PTER: variants seen among roughly 807,000 people sequenced by gnomAD.
PTER encodes N-acetyltaurine hydrolase.
A neutral mutation model predicts 29.6 loss-of-function variants in PTER; 38 were observed. The ratio of observed to expected loss-of-function variants is 1.28; its 90% CI spans 0.99 to 1.68. The LOEUF is 1.68. Among genes scored for constraint, PTER ranks in the 40% most tolerant of loss-of-function variants. The pLI is 0.00. For synonymous variants in PTER, 172 were observed against 154.5 expected (o/e 1.11, Z -0.84); for missense variants, 482 against 427.8 (o/e 1.13, Z -1.12).
At position 16,484,786 on chromosome 10, in the gene PTER, C is replaced by A. The variant is rs1226621041; in HGVS notation, c.402C>A (p.Ser134=). Residue 134 remains serine (S), a synonymous_variant, in exon 2 of 5, where the codon TCC becomes TCA. Transcript: ENST00000535784. The stretch of plus-strand genomic sequence containing the variant: ...GGTTTTATGTGGATGCAACTCACTC[C>A]TCAGAGACCAGGGCCATGTCAGTGG... ...GAGFYVDATH[S]SETRAMSVEQ... is the part of the protein sequence containing the mutation. The A allele has an allele frequency of 1.9e-6, 3 of 1,611,456 alleles. No individual in the cohort carries two copies. The highest frequency in any genetic ancestry group is 2.5e-6 in the Non-Finnish European group (3 of 1,179,184).
chr10:16,511,311 C>T lies in PTER; in HGVS notation c.*55C>T, dbSNP rs968227754. 74 of 1,449,592 alleles carry T rather than the reference C, an allele frequency of 5.1e-5. No homozygotes were observed. The highest frequency in any genetic ancestry group is 3.0e-4 in the South Asian group (26 of 87,414). The allele number at this position is 1,449,592 out of a possible 1,614,324, so 89.8% of individuals were successfully genotyped here. A position where few individuals can be genotyped will look rare whatever the true frequency, so the allele number is the denominator to read the frequency against. On this transcript the variant is annotated 3_prime_UTR_variant, in exon 5 of 5. Transcript: ENST00000535784. ...TATAAAACTTGCAGAGAACATTCAG[C>T]GATTTCCAGTCCACTGTGAGATATT...
intron 4 of PTER, among the ~76,000 whole-genome samples, chr10:16,505,607 A>G (rs1364016966): frequency 6.6e-6 from 1 of 152,264 alleles, no homozygotes; most frequent in African/African-American, 2.4e-5. Flanking sequence ...TGCTAAAAGT[A>G]TAAGGTCTAA....
intron 4 of PTER, among the ~76,000 whole-genome samples, chr10:16,509,857 G>C (rs1391779021): frequency 6.6e-6 from 1 of 152,084 alleles, no homozygotes; most frequent in African/African-American, 2.4e-5. Flanking sequence ...CAGATACAAA[G>C]TCTATTCTTC....
At position 16,486,472 on chromosome 10, in the gene PTER, C is replaced by T; in HGVS notation, c.553C>T (p.Gln185Ter). ...PLTESERKVL[Q>*]ATAHAQAQLG... Reference sequence around the variant, plus strand: ...GACTGAGAGTGAAAGAAAGGTTCTCCAGGCCACAGCTCATGCCCAGGCTCA... The same window carrying T: ...GACTGAGAGTGAAAGAAAGGTTCTCTAGGCCACAGCTCATGCCCAGGCTCA... The change falls in exon 3 of 5, where the codon CAG becomes TAG. Residue 185 changes from glutamine (Q) to a stop codon, truncating the protein, a stop_gained. Transcript: ENST00000535784. LOFTEE classifies it high-confidence loss of function. 1.2e-6 allele frequency: 2 copies of T among 1,614,016 alleles called. No homozygotes were observed. The highest frequency in any genetic ancestry group is 1.1e-5 in the South Asian group (1 of 91,082).
chr10:16,500,557 T>C (rs971739882), intron 3 of PTER, among the ~76,000 whole-genome samples: 3 of 152,048 alleles, frequency 2.0e-5, no homozygotes, highest in African/African-American at 7.3e-5. Flanking sequence ...CGGCCAGGGG[T>C]TACTTTTGAA....
At chr10:16,517,341 C>G (rs747680501), downstream of PTER, among the ~76,000 whole-genome samples, 33 of 152,208 alleles carry the variant, frequency 2.2e-4, 1 homozygote, top group Non-Finnish European at 4.4e-4. Context: ...CCACAAACCA[C>G]TCATCCTTTT....
chr10:16,465,318 C>T (rs1048874341), intron 1 of PTER, among the ~76,000 whole-genome samples: 60 of 152,168 alleles, frequency 3.9e-4, no homozygotes, highest in Non-Finnish European at 2.2e-4. Flanking sequence ...TTTTCATCTT[C>T]GTTTCCCTGC....
intron 1 of PTER, among the ~76,000 whole-genome samples, chr10:16,474,069 T>C (rs1835163621): frequency 6.6e-6 from 1 of 151,994 alleles, no homozygotes; most frequent in African/African-American, 2.4e-5. Context: ...TACAAAAAAT[T>C]AGCCAGTTGT....
At chr10:16,473,728 A>T (rs1835150907) in intron 1 of PTER, among the ~76,000 whole-genome samples, 1 of 152,118 alleles carries the variant, frequency 6.6e-6, no homozygotes, top group Non-Finnish European at 1.5e-5. Flanking sequence ...GTTTGTCATG[A>T]AGCTGCTGAA....
At chr10:16,446,132 C>T (rs1409396969) in intron 1 of PTER, among the ~76,000 whole-genome samples, 1 of 152,122 alleles carries the variant, frequency 6.6e-6, no homozygotes, top group African/African-American at 2.4e-5. Context: ...GAGACTTTGA[C>T]TTGCAACCAT....
intron 1 of PTER, among the ~76,000 whole-genome samples, chr10:16,452,454 G>T (rs114685204): frequency 0.018 from 2,711 of 151,412 alleles, 88 homozygotes; most frequent in African/African-American, 0.063. Flanking sequence ...GCATGACCAC[G>T]CTCAGCTCAG....
At chr10:16,515,989 A>AT, downstream of PTER, among the ~76,000 whole-genome samples, 1 of 152,282 alleles carries the variant, frequency 6.6e-6, no homozygotes, top group Non-Finnish European at 1.5e-5. Flanking sequence ...AATTTAAATG[A>AT]TGAGTTTTCC....
intron 3 of PTER, among the ~76,000 whole-genome samples, chr10:16,496,512 A>G (rs1178254773): frequency 1.6e-4 from 24 of 152,114 alleles, no homozygotes; most frequent in Non-Finnish European, 3.5e-4. Flanking sequence ...CCCCTTATCT[A>G]TTTAGCAGAA....
At chr10:16,482,134 T>C (rs1336487684) in intron 1 of PTER, among the ~76,000 whole-genome samples, 1 of 152,214 alleles carries the variant, frequency 6.6e-6, no homozygotes, top group Non-Finnish European at 1.5e-5. Context: ...TCAATGGCCA[T>C]GTTAGCCACA....
intron 4 of PTER, among the ~76,000 whole-genome samples, chr10:16,508,010 A>T (rs916654269): frequency 5.5e-4 from 84 of 151,674 alleles, no homozygotes; most frequent in Middle Eastern, 6.9e-3. Flanking sequence ...TCTCAAAAAC[A>T]TGATTTCCTG....
At chr10:16,510,502 A>G (rs763972474) in intron 4 of PTER, among the ~76,000 whole-genome samples, 3 of 152,238 alleles carry the variant, frequency 2.0e-5, no homozygotes, top group Non-Finnish European at 2.9e-5. Flanking sequence ...GTGGCTTTGT[A>G]GCTTATCAAA....
At chr10:16,492,018 G>T (rs1464430570) in intron 3 of PTER, among the ~76,000 whole-genome samples, 1 of 152,098 alleles carries the variant, frequency 6.6e-6, no homozygotes, top group African/African-American at 2.4e-5. Context: ...GGGGCATTTG[G>T]GACCCTGAGA....
downstream of PTER, among the ~76,000 whole-genome samples, chr10:16,515,201 C>T (rs1282862430): frequency 6.7e-6 from 1 of 150,284 alleles, no homozygotes; most frequent in Non-Finnish European, 1.5e-5. Flanking sequence ...CAGGAAAATA[C>T]CAACTCCTCT....
At chr10:16,450,043 T>C (rs1834150500) in intron 1 of PTER, among the ~76,000 whole-genome samples, 1 of 152,220 alleles carries the variant, frequency 6.6e-6, no homozygotes, top group Non-Finnish European at 1.5e-5. Flanking sequence ...TCCAACTTTA[T>C]GTTCCATCCA....
Sources: allele counts gnomAD v4.1 joint callset (sites outside exome capture counted in the v4.1 genomes callset), GRCh38; gene constraint gnomAD v4.1.1; transcripts MANE v1.5; gene names NCBI Gene and HGNC (gene_info 2026-07-23, HGNC 2026-07-21).